The following MICAL3 variants were observed in gnomAD, a reference collection of about 807,000 sequenced individuals.
MICAL3 encodes [F-actin]-monooxygenase MICAL3.
MICAL3 carries 62 observed loss-of-function variants against 207.4 expected under a neutral mutation model. That is an observed-to-expected ratio of 0.30 (90% CI 0.24 to 0.37). The LOEUF (loss-of-function observed/expected upper bound fraction) is 0.37. Ranked by LOEUF, MICAL3 falls within the 10% of genes least tolerant of loss-of-function variation. The pLI is 1.00. For synonymous variants in MICAL3, 1,077 were observed against 1,069.3 expected (o/e 1.01, Z -0.14); for missense variants, 2,368 against 2,635.6 (o/e 0.90, Z 2.22).
Position 17,860,913 on chromosome 22 carries a change from C to A in MICAL3, c.2605+3986G>T, listed in dbSNP as rs1340936038. On this transcript the variant is annotated intron_variant, in intron 19 of 31. Coordinates refer to ENST00000441493, the MANE Select transcript of MICAL3 (RefSeq NM_015241.3). ...ACAAGCAGCTTTAGAAACAGCTTCA[C>A]AATTATTATAATTACTATAATTTAG... 6 of 985,188 alleles carry A rather than the reference C, an allele frequency of 6.1e-6. No homozygotes were observed. In the African/African-American group the frequency reaches 8.7e-5, roughly 14 times the overall value. 61.0% of individuals were successfully genotyped at this position (985,188 alleles called of 1,614,324 possible). A position where few individuals can be genotyped will look rare whatever the true frequency, so the allele number is the denominator to read the frequency against.
intron 20 of MICAL3, among the ~76,000 whole-genome samples, chr22:17,838,498 CA>C (rs10707582): frequency 0.44 from 67,673 of 152,080 alleles, 16,887 homozygotes; most frequent in African/African-American, 0.69. Context: ...CTCCGGGCAT[CA>C]AGGCTTCGTC....
intron 1 of MICAL3, among the ~76,000 whole-genome samples, chr22:17,972,449 G>A (rs149098113): frequency 1.3e-5 from 2 of 152,162 alleles, no homozygotes; most frequent in Non-Finnish European, 1.5e-5. Flanking sequence ...CCAGGCACAC[G>A]CAACAGGTGA....
intron 1 of MICAL3, among the ~76,000 whole-genome samples, chr22:18,011,407 T>C (rs1196855684): frequency 6.6e-6 from 1 of 151,678 alleles, no homozygotes; most frequent in South Asian, 2.1e-4. Context: ...TAGCCAGGCA[T>C]GGTGGCACAC....
At chr22:17,917,207 T>C (rs1932580072) in intron 1 of MICAL3, among the ~76,000 whole-genome samples, 1 of 152,142 alleles carries the variant, frequency 6.6e-6, no homozygotes, top group Admixed American at 6.5e-5. Context: ...CTCCTGAACT[T>C]GTGCGACCAA....
At chr22:17,954,149 T>C (rs1403379635) in intron 1 of MICAL3, among the ~76,000 whole-genome samples, 2 of 152,116 alleles carry the variant, frequency 1.3e-5, no homozygotes, top group East Asian at 1.9e-4. Flanking sequence ...GAAACTTTTA[T>C]TGTCTGGCTT....
intron 28 of MICAL3, among the ~76,000 whole-genome samples, chr22:17,810,054 ATTTTTT>A (rs758573402): frequency 1.0e-5 from 1 of 97,060 alleles, no homozygotes; most frequent in Non-Finnish European, 1.9e-5. Flanking sequence ...ATGCCTGGCT[ATTTTTT>A]TTTTTTTTTT....
chr22:17,845,323 GACGTGGGTA>G (rs1208454431), intron 19 of MICAL3, among the ~76,000 whole-genome samples: 1 of 152,194 alleles, frequency 6.6e-6, no homozygotes, highest in Admixed American at 6.5e-5. Context: ...GCGTCTGTTT[GACGTGGGTA>G]ACGTGGGGAA....
In MICAL3 at chr22:17,822,908, T is replaced by G. The variant is rs781141199; in HGVS notation, c.3307+39A>C. On this transcript the variant is annotated intron_variant, in intron 23 of 31. Transcript: ENST00000441493. The stretch of plus-strand genomic sequence containing the variant: ...GAAAGCATATTGCCTTCATCTTCCC[T>G]GAGCTCCCACCACAGGGGCGGGGAG... The G allele has an allele frequency of 9.4e-6, 13 of 1,388,382 alleles. No homozygotes were observed. In the South Asian group the frequency reaches 1.5e-4, roughly 16 times the overall value. 86.0% of individuals were successfully genotyped at this position (1,388,382 alleles called of 1,614,324 possible).
In MICAL3 at chr22:17,821,474, G is replaced by T. The variant is rs1480957689; in HGVS notation, c.3484C>A (p.Gln1162Lys). The change falls in exon 25 of 32, where the codon CAG (glutamine) becomes AAG (lysine). Residue 1162 changes from glutamine (Q) to lysine (K), a missense_variant. Coordinates refer to ENST00000441493, the MANE Select transcript of MICAL3 (RefSeq NM_015241.3). ...SQATSPIRSP[Q>K]ESALLFIPVH... The stretch of plus-strand genomic sequence containing the variant: ...GGAATGAACAGAAGAGCTGATTCCT[G>T]GGGAGACCGGATGGGGCTGGTGGCT... The T allele has an allele frequency of 6.5e-7, 1 of 1,544,414 alleles. No individual in the cohort carries two copies. Among genetic ancestry groups the T allele is most frequent in the East Asian group, 2.5e-5 (1 of 40,282 alleles).
chr22:17,849,161 G>A (rs1479833593), intron 19 of MICAL3, among the ~76,000 whole-genome samples: 2 of 151,838 alleles, frequency 1.3e-5, no homozygotes, highest in Non-Finnish European at 2.9e-5. Context: ...TACCTGTGCC[G>A]GGCACGACGA....
chr22:17,822,190 GA>G lies in MICAL3; in HGVS notation c.3308-21del, dbSNP rs1176593955. ...GCTGATCTGGCAGAGGGAAGGGGCA[GA>G]AGTGGGTGCACACCCTAAGTGAGGC... On this transcript the variant is annotated intron_variant, in intron 23 of 31. Coordinates refer to ENST00000441493, the MANE Select transcript of MICAL3 (RefSeq NM_015241.3). 3.1e-6 allele frequency: 5 copies of G among 1,611,114 alleles called. No individual in the cohort carries two copies. The African/African-American group carries it at 5.3e-5, about 17-fold the overall frequency.
chr22:17,897,027 C>T (rs1280922348), intron 7 of MICAL3, 46 bp from the exon 8 acceptor site: 4 of 1,564,532 alleles, frequency 2.6e-6, no homozygotes, highest in Middle Eastern at 2.0e-4. Flanking sequence ...AGCTCTGGCA[C>T]TCAGCCAGAA....
intron 1 of MICAL3, among the ~76,000 whole-genome samples, chr22:17,966,366 C>A (rs183897125): frequency 3.2e-4 from 49 of 152,342 alleles, no homozygotes; most frequent in Admixed American, 1.2e-3. Context: ...CAGAACCCCG[C>A]AGAAGACCTG....
intron 17 of MICAL3, among the ~76,000 whole-genome samples, chr22:17,871,361 A>T (rs1927706731): frequency 6.6e-6 from 1 of 152,208 alleles, no homozygotes; most frequent in African/African-American, 2.4e-5. Flanking sequence ...GACAGATGCC[A>T]GAGAGGTGTT....
intron 19 of MICAL3, among the ~76,000 whole-genome samples, chr22:17,859,116 A>C (rs946349265): frequency 2.6e-5 from 4 of 152,154 alleles, no homozygotes; most frequent in African/African-American, 9.7e-5. Context: ...AGACTCTCAG[A>C]ACCATCGAGG....
chr22:17,789,944 TG>T lies in MICAL3; in HGVS notation c.*787del, dbSNP rs1325479324. On this transcript the variant is annotated 3_prime_UTR_variant, in exon 32 of 32. Coordinates refer to ENST00000441493, the MANE Select transcript of MICAL3 (RefSeq NM_015241.3). ...GTCATCTCCTGTCCCGACATAAATG[TG>T]GAACAGGGACAATGCCTGTCTGCCA... 6.6e-6 allele frequency: 1 copy of T among 152,210 alleles called. No individual in the cohort carries two copies. The highest frequency in any genetic ancestry group is 1.5e-5 in the Non-Finnish European group (1 of 68,038). 9.4% of individuals were successfully genotyped at this position (152,210 alleles called of 1,614,324 possible).
chr22:17,859,685 G>C (rs1449794644), intron 19 of MICAL3, among the ~76,000 whole-genome samples: 1 of 152,240 alleles, frequency 6.6e-6, no homozygotes, highest in Non-Finnish European at 1.5e-5. Flanking sequence ...GTGCCTGCGG[G>C]CACGCCTGGC....
At chr22:17,829,732 G>A (rs1922592823) in intron 21 of MICAL3, among the ~76,000 whole-genome samples, 2 of 152,324 alleles carry the variant, frequency 1.3e-5, no homozygotes, top group East Asian at 1.9e-4. Context: ...CTGCACTGGC[G>A]ATAGGTTTCC....
chr22:17,850,346 G>A (rs921666464), intron 19 of MICAL3, among the ~76,000 whole-genome samples: 4 of 149,716 alleles, frequency 2.7e-5, no homozygotes, highest in African/African-American at 9.8e-5. Flanking sequence ...CCCCATCACC[G>A]CAGTCCTTTG....
Sources: allele counts gnomAD v4.1 joint callset (sites outside exome capture counted in the v4.1 genomes callset), GRCh38; gene constraint gnomAD v4.1.1; transcripts MANE v1.5; gene names NCBI Gene and HGNC (gene_info 2026-07-23, HGNC 2026-07-21).